The following PCLO variants were observed in gnomAD, a reference collection of about 807,000 sequenced individuals.
PCLO encodes the protein piccolo presynaptic cytomatrix protein.
PCLO carries 82 observed loss-of-function variants against 427.5 expected under a neutral mutation model. The observed-to-expected ratio is 0.19, with a 90% confidence interval of 0.16 to 0.23. The LOEUF (loss-of-function observed/expected upper bound fraction) is 0.23. PCLO is among the 10% of genes least tolerant of loss of function. The pLI, the probability that PCLO is intolerant of heterozygous loss-of-function variation, is 1.00. For synonymous variants in PCLO, 2,357 were observed against 2,155.4 expected, an observed-to-expected ratio of 1.09 and a Z score of -2.59; for missense variants, 6,239 against 6,115.9, an observed-to-expected ratio of 1.02 and a Z score of -0.67.
chr7:82,802,267 A>AG (rs1791369827), intron 21 of PCLO, among the ~76,000 whole-genome samples: 1 of 54,268 alleles, frequency 1.8e-5, no homozygotes, highest in African/African-American at 4.9e-5. Flanking sequence ...TATGAAAAAA[A>AG]ACACATGAAA....
intron 10 of PCLO, among the ~76,000 whole-genome samples, chr7:82,863,925 G>A (rs1337257315): frequency 6.6e-6 from 1 of 151,812 alleles, no homozygotes; most frequent in Non-Finnish European, 1.5e-5. Flanking sequence ...ACACAAAAAA[G>A]TTATTTTGCC....
In PCLO at chr7:82,939,124, A is replaced by C. The variant is rs142764626; in HGVS notation, c.11112+10352T>G. On this transcript the variant is annotated intron_variant, in intron 6 of 24. Coordinates refer to ENST00000333891, the MANE Select transcript of PCLO (RefSeq NM_033026.6). ...CATAAAGACAGACTGTAGTGATTCT[A>C]ATGCTTCTGTAAAATATCTACTTAT... Among the ~76,000 whole-genome samples, 343 of 152,248 alleles carry C rather than the reference A, an allele frequency of 2.3e-3. 2 individuals carry two copies. The highest frequency in any genetic ancestry group is 7.9e-3 in the African/African-American group (330 of 41,558).
In PCLO at chr7:82,956,520, G is replaced by T. The variant is rs190809054; in HGVS notation, c.4433C>A (p.Thr1478Asn). 1 of 1,612,514 alleles carries T rather than the reference G, an allele frequency of 6.2e-7. No individual in the cohort carries two copies. The highest frequency in any genetic ancestry group is 1.7e-5 in the Admixed American group (1 of 59,744). Residue 1478 changes from threonine to asparagine, a missense_variant, in exon 5 of 25, where the codon ACT becomes AAT. Coordinates refer to ENST00000333891, the MANE Select transcript of PCLO (RefSeq NM_033026.6). ...IKESQEERKDTFKKDSQQDIP... is the reference protein window; with the variant it reads ...IKESQEERKDNFKKDSQQDIP... ...ATCTTGTTGGCTATCTTTTTTAAAA[G>T]TGTCTTTCCTTTCTTCTTGACTCTC... is the stretch of plus-strand genomic sequence containing the variant.
intron 3 of PCLO, among the ~76,000 whole-genome samples, chr7:83,110,920 C>T (rs764873327): frequency 1.3e-5 from 2 of 152,106 alleles, no homozygotes; most frequent in African/African-American, 2.4e-5. Flanking sequence ...TAAGATCAAG[C>T]ACTGAATTGT....
chr7:83,050,191 T>C (rs570535968), intron 3 of PCLO, among the ~76,000 whole-genome samples: 1 of 68,538 alleles, frequency 1.5e-5, no homozygotes, highest in South Asian at 5.5e-4. Context: ...CTTGAACTAT[T>C]CCTCATCTGA....
chr7:83,008,915 G>A (rs1361320511), intron 3 of PCLO, among the ~76,000 whole-genome samples: 1 of 151,202 alleles, frequency 6.6e-6, no homozygotes, highest in Non-Finnish European at 1.5e-5. Context: ...GAAATCTAAA[G>A]CTAAAGCGAT....
intron 3 of PCLO, 124 bp downstream of exon 3, chr7:83,134,126 A>C: frequency 3.3e-6 from 1 of 305,442 alleles, no homozygotes; most frequent in Non-Finnish European, 5.6e-6. Context: ...TAAGATTATC[A>C]ATTTATTTTC....
intron 10 of PCLO, chr7:82,868,061 G>A (rs1322330347): frequency 1.1e-5 from 5 of 453,934 alleles, no homozygotes; most frequent in African/African-American, 2.0e-5. Flanking sequence ...TAACGCACCA[G>A]CTTTAAGGAA....
chr7:82,924,279 T>C (rs1261988563), intron 6 of PCLO, among the ~76,000 whole-genome samples: 1 of 152,096 alleles, frequency 6.6e-6, no homozygotes, highest in Non-Finnish European at 1.5e-5. Flanking sequence ...AGGATAGGAA[T>C]GTACCTGATT....
chr7:82,960,376 T>C (rs749105693), intron 4 of PCLO, among the ~76,000 whole-genome samples: 8 of 152,122 alleles, frequency 5.3e-5, no homozygotes, highest in African/African-American at 7.2e-5. Flanking sequence ...CAGAAAACAT[T>C]ATTATTTTTC....
At chr7:82,964,786 T>C (rs1795727729) in intron 4 of PCLO, among the ~76,000 whole-genome samples, 1 of 152,154 alleles carries the variant, frequency 6.6e-6, no homozygotes, top group African/African-American at 2.4e-5. Context: ...CTGATCAAAC[T>C]CATTTAATGA....
Position 83,155,437 on chromosome 7 carries a change from C to A in PCLO, c.1204G>T (p.Ala402Ser). The change falls in exon 2 of 25, where the codon GCT becomes TCT. Residue 402 changes from alanine to serine, a missense_variant. This residue lies in a region of PCLO where 4,677 missense variants were observed against 4,468.4 expected (regional missense o/e 1.05). Coordinates refer to ENST00000333891, the MANE Select transcript of PCLO (RefSeq NM_033026.6). ...GGCTTTGCTGGCCCTGGCTGTTGAG[C>A]TGGAGTCTTTCCAACTCCAGGAGGC... ...AQPPGVGKTP[A>S]QQPGPAKPPT... 1 of 1,613,744 alleles carries A rather than the reference C, an allele frequency of 6.2e-7. No individual in the cohort carries two copies. The highest frequency in any genetic ancestry group is 8.5e-7 in the Non-Finnish European group (1 of 1,179,846).
At chr7:83,008,997 A>G (rs2115976377) in intron 3 of PCLO, among the ~76,000 whole-genome samples, 1 of 151,842 alleles carries the variant, frequency 6.6e-6, no homozygotes, top group East Asian at 1.9e-4. Context: ...GCCAAAAAAA[A>G]GTTAATCTCT....
chr7:82,803,675 C>A (rs76360451), intron 21 of PCLO, among the ~76,000 whole-genome samples: 2 of 47,522 alleles, frequency 4.2e-5, no homozygotes, highest in African/African-American at 9.6e-5. Flanking sequence ...TCTGGCTATA[C>A]ATTTTATAAT....
chr7:82,990,312 T>C (rs41567), intron 3 of PCLO, among the ~76,000 whole-genome samples: 112,804 of 152,016 alleles, frequency 0.74, 42,256 homozygotes, highest in East Asian at 0.92. Context: ...AACAGGAAAA[T>C]GGATGGCTTA....
intron 3 of PCLO, among the ~76,000 whole-genome samples, chr7:82,991,359 C>CTAAA (rs571743634): frequency 4.7e-4 from 72 of 151,832 alleles, no homozygotes; most frequent in Middle Eastern, 3.4e-3. Flanking sequence ...GACTCCGTCT[C>CTAAA]TAAATAAATA....
intron 12 of PCLO, among the ~76,000 whole-genome samples, chr7:82,846,133 T>A (rs1792495202): frequency 6.6e-6 from 1 of 152,138 alleles, no homozygotes; most frequent in Non-Finnish European, 1.5e-5. Context: ...ACATGTTGAT[T>A]TTTGTTTACT....
intron 3 of PCLO, among the ~76,000 whole-genome samples, chr7:83,047,127 T>C (rs1006992660): frequency 2.0e-4 from 31 of 152,170 alleles, no homozygotes; most frequent in African/African-American, 7.5e-4. Flanking sequence ...AGGCAAAGAA[T>C]GTTTCTTATT....
At chr7:83,040,787 G>C (rs904701756) in intron 3 of PCLO, among the ~76,000 whole-genome samples, 4 of 152,074 alleles carry the variant, frequency 2.6e-5, no homozygotes, top group Admixed American at 6.6e-5. Context: ...TCTAAGATCT[G>C]TTTCTCCCCC....
Sources: gnomAD v4.1 joint callset for allele counts (sites outside exome capture counted in the v4.1 genomes callset) on GRCh38, gnomAD v4.1.1 for gene constraint, gnomAD v4.1.1 regional missense constraint, MANE v1.5 for transcripts, NCBI Gene and HGNC (gene_info 2026-07-23, HGNC 2026-07-21) for gene names.